ZNF677: variants seen among roughly 807,000 people sequenced by gnomAD.
ZNF677 encodes zinc finger protein 677.
In ZNF677, 5 loss-of-function variants were observed where a neutral mutation model predicts 8.1. The ratio of observed to expected loss-of-function variants is 0.62; its 90% CI spans 0.32 to 1.29. The LOEUF is 1.29. Ranked by LOEUF, ZNF677 falls within the 50% of genes most tolerant of loss-of-function variation. The pLI is 0.05. For missense variants in ZNF677, 685 were observed against 685.9 expected, an observed-to-expected ratio of 1.00 and a Z score of 0.01; for synonymous variants, 221 against 225.6, an observed-to-expected ratio of 0.98 and a Z score of 0.18.
intron 1 of ZNF677, 55 bp downstream of exon 1, chr19:53,254,779 G>C (rs1192637956): frequency 6.5e-6 from 1 of 152,674 alleles, no homozygotes; most frequent in Non-Finnish European, 1.5e-5. Flanking sequence ...ACAGCGGAGC[G>C]TGGGAACCTG....
rs2146930937 is a variant in ZNF677 at position 53,238,317 on chromosome 19, T to C, written c.410A>G (p.Asn137Ser). The change falls in exon 5 of 5, where the codon AAT becomes AGT. Residue 137 changes from asparagine to serine, a missense_variant. Asn to Ser is a conservative substitution (Grantham distance 46, BLOSUM62 1). Transcript: ENST00000598513. Reference sequence around the variant, plus strand: ...TAAAGAGAAATGTATTGAGGATTTATTATGTTGTTGATCTTTTCTGTGAGT... The same window carrying C: ...TAAAGAGAAATGTATTGAGGATTTACTATGTTGTTGATCTTTTCTGTGAGT... ...NLTHRKDQQH[N>S]KSSIHFSLKQ... 1.9e-6 allele frequency: 3 copies of C among 1,613,600 alleles called. No individual in the cohort carries two copies. The highest frequency in any genetic ancestry group is 1.7e-4 in the Middle Eastern group (1 of 6,058).
At chr19:53,254,199 GC>G (rs897261622) in intron 1 of ZNF677, among the ~76,000 whole-genome samples, 105 of 151,684 alleles carry the variant, frequency 6.9e-4, no homozygotes, top group African/African-American at 2.3e-3. Flanking sequence ...GGATTTGGGT[GC>G]CCCCCCCTTT....
chr19:53,250,251 T>C (rs1413760488), intron 3 of ZNF677, among the ~76,000 whole-genome samples: 4 of 152,276 alleles, frequency 2.6e-5, no homozygotes, highest in South Asian at 4.1e-4. Context: ...TTACACACCA[T>C]TGGTGGAAGT....
chr19:53,252,610 A>G (rs1331589055), intron 2 of ZNF677, among the ~76,000 whole-genome samples: 1 of 152,184 alleles, frequency 6.6e-6, no homozygotes, highest in Admixed American at 6.5e-5. Flanking sequence ...ACAAATAGCT[A>G]TTACTCTTGG....
In ZNF677 at chr19:53,237,364, C is replaced by T; in HGVS notation, c.1363G>A (p.Gly455Arg). 8 of 1,613,522 alleles carry T rather than the reference C, an allele frequency of 5.0e-6. No homozygotes were observed. Among genetic ancestry groups the T allele is most frequent in the South Asian group, 1.1e-5 (1 of 91,054 alleles). ...SLVEHQRIHTGEKPYKCNKCD... is the reference protein window; with the variant it reads ...SLVEHQRIHTREKPYKCNKCD... ...TTATTACATTTGTAAGGTTTTTCTC[C>T]AGTGTGAATTCTCTGATGTTCCACA... The change falls in exon 5 of 5, where the codon GGA becomes AGA. Residue 455 changes from glycine (G) to arginine (R), a missense_variant. Coordinates refer to ENST00000598513, the MANE Select transcript of ZNF677 (RefSeq NM_182609.4).
rs1319109886 is a variant in ZNF677, at chr19:53,242,378, C to T, written c.169+1366G>A. ...AGGTACGGGAGTAAAATAAAAGGGTCGGATTTTGTAGGATTCTAAGGAAGA... is the reference window on the plus strand; with the variant it reads ...AGGTACGGGAGTAAAATAAAAGGGTTGGATTTTGTAGGATTCTAAGGAAGA... On this transcript the variant is annotated intron_variant, in intron 4 of 4. Transcript: ENST00000598513. 1.3e-5 allele frequency: 5 copies of T among 398,390 alleles called. No homozygotes were observed. The South Asian group carries it at 5.1e-4, about 41-fold the overall frequency. 24.7% of individuals were successfully genotyped at this position (398,390 alleles called of 1,614,324 possible).
chr19:53,246,790 C>T (rs1043983262), intron 3 of ZNF677, among the ~76,000 whole-genome samples: 15 of 152,124 alleles, frequency 9.9e-5, no homozygotes, highest in African/African-American at 3.6e-4. Flanking sequence ...TCTTAGAGAT[C>T]TCCTGAATAA....
Position 53,242,315 on chromosome 19 carries a change from C to T in ZNF677, c.169+1429G>A, listed in dbSNP as rs7254589. On this transcript the variant is annotated intron_variant, in intron 4 of 4. Transcript: ENST00000598513. The stretch of plus-strand genomic sequence containing the variant: ...GAAGACTAAGGTCTCCCTAAGTTCC[C>T]GGATAGAGTAGAAAGCTAGAAAAGG... The T allele has an allele frequency of 6.1e-3, 2,439 of 398,322 alleles. 58 individuals carry two copies. Among genetic ancestry groups the T allele is most frequent in the African/African-American group, 0.045 (2,207 of 48,602 alleles). The allele number at this position is 398,322 out of a possible 1,614,324, so 24.7% of individuals were successfully genotyped here. A position where few individuals can be genotyped will look rare whatever the true frequency, so the allele number is the denominator to read the frequency against.
chr19:53,253,963 G>A (rs1025048797), intron 1 of ZNF677, among the ~76,000 whole-genome samples: 3 of 152,174 alleles, frequency 2.0e-5, no homozygotes, highest in Non-Finnish European at 4.4e-5. Flanking sequence ...ATCAGAGAAA[G>A]GGAAGAGGGT....
Position 53,237,341 on chromosome 19 carries a change from A to G in ZNF677, c.1386T>C (p.Asn462=). The change falls in exon 5 of 5, where the codon AAT becomes AAC. Residue 462 remains asparagine (N), a synonymous_variant. Coordinates refer to ENST00000598513, the MANE Select transcript of ZNF677 (RefSeq NM_182609.4). ...IHTGEKPYKC[N]KCDKAFIKRS... ...GTTTGATAAAAGCTTTATCACATTT[A>G]TTACATTTGTAAGGTTTTTCTCCAG... The G allele has an allele frequency of 6.2e-7, 1 of 1,613,862 alleles. No homozygotes were observed. The highest frequency in any genetic ancestry group is 1.7e-5 in the Admixed American group (1 of 59,984).
chr19:53,237,389 A>G lies in ZNF677; in HGVS notation c.1338T>C (p.Leu446=). ...CGRAFIQSSS[L]VEHQRIHTGE... ...CAGTGTGAATTCTCTGATGTTCCAC[A>G]AGACTTGAACTTTGGATAAAAGCCC... Residue 446 remains leucine (L), a synonymous_variant, in exon 5 of 5, where the codon CTT becomes CTC. Coordinates refer to ENST00000598513, the MANE Select transcript of ZNF677 (RefSeq NM_182609.4). 1 of 1,614,022 alleles carries G rather than the reference A, an allele frequency of 6.2e-7. No individual in the cohort carries two copies. The highest frequency in any genetic ancestry group is 1.1e-5 in the South Asian group (1 of 91,086).
At position 53,236,885 on chromosome 19, in the gene ZNF677, T is replaced by C. The variant is rs1435875691; in HGVS notation, c.*87A>G. The C allele has an allele frequency of 3.3e-6, 4 of 1,210,862 alleles. No individual in the cohort carries two copies. In the Admixed American group the frequency reaches 1.1e-4, roughly 34 times the overall value. 75.0% of individuals were successfully genotyped at this position (1,210,862 alleles called of 1,614,324 possible). A position where few individuals can be genotyped will look rare whatever the true frequency, so the allele number is the denominator to read the frequency against. On this transcript the variant is annotated 3_prime_UTR_variant, in exon 5 of 5. Coordinates refer to ENST00000598513, the MANE Select transcript of ZNF677 (RefSeq NM_182609.4). ...TGGTTTATCTCAAAGATGTATATTC[T>C]GGTATCAAGTGAGACATAAGCCATA...
chr19:53,245,736 G>A lies in ZNF677; in HGVS notation c.16-1839C>T, dbSNP rs34266782. Among the ~76,000 whole-genome samples, 941 of 152,260 alleles carry A rather than the reference G, an allele frequency of 6.2e-3. 7 individuals carry two copies. Among genetic ancestry groups the A allele is most frequent in the Non-Finnish European group, 7.8e-3 (531 of 68,022 alleles). ...GTTCCTCAAAAATTAAAAATAGGCC[G>A]GGCGCAGTGGCTCACACCTGTAATC... On this transcript the variant is annotated intron_variant, in intron 3 of 4. Transcript: ENST00000598513.
chr19:53,248,504 A>C lies in ZNF677; in HGVS notation c.15+3032T>G, dbSNP rs75713287. Among the ~76,000 whole-genome samples, 24 of 152,330 alleles carry C rather than the reference A, an allele frequency of 1.6e-4. 2 individuals carry two copies. The East Asian group carries it at 4.6e-3, about 29-fold the overall frequency. ...ACATTTCATGCAGGGTAAGTCCACT[A>C]ATGCAAACTCCCTCAGCTCTTGTTT... On this transcript the variant is annotated intron_variant, in intron 3 of 4. Coordinates refer to ENST00000598513, the MANE Select transcript of ZNF677 (RefSeq NM_182609.4).
At position 53,243,864 on chromosome 19, in the gene ZNF677, A is replaced by G. The variant is rs757812066; in HGVS notation, c.49T>C (p.Phe17Leu). ...AGGCACTCCCACTCCTCTTGAGAGA[A>G]TTCTATGGCCACATCCTTGAATGTA... is the stretch of plus-strand genomic sequence containing the variant. The part of the protein sequence containing the change: ...LFTFKDVAIE[F>L]SQEEWECLDP... The change falls in exon 4 of 5, where the codon TTC (phenylalanine) becomes CTC (leucine). Residue 17 changes from phenylalanine (F) to leucine (L), a missense_variant. Transcript: ENST00000598513. The G allele has an allele frequency of 1.9e-6, 3 of 1,610,254 alleles. No homozygotes were observed. In the Admixed American group the frequency reaches 5.1e-5, roughly 27 times the overall value.
intron 3 of ZNF677, among the ~76,000 whole-genome samples, chr19:53,247,315 C>T (rs2146957756): frequency 6.6e-6 from 1 of 151,766 alleles, no homozygotes; most frequent in South Asian, 2.1e-4. Context: ...CTTCCCTGGG[C>T]CACACTGGAA....
At chr19:53,247,232 C>T (rs2965228) in intron 3 of ZNF677, among the ~76,000 whole-genome samples, 97,087 of 151,974 alleles carry the variant, frequency 0.64, 32,124 homozygotes, top group African/African-American at 0.83. Context: ...GTGCAGATTC[C>T]GTTTTTGCTG....
chr19:53,242,381 A>C, intron 4 of ZNF677: 1 of 398,650 alleles, frequency 2.5e-6, no homozygotes, highest in Non-Finnish European at 4.4e-6. Flanking sequence ...AAAGGGTCGG[A>C]TTTTGTAGGA....
chr19:53,243,755 G>A lies in ZNF677; in HGVS notation c.158C>T (p.Pro53Leu). ...NLLSLDEDNI[P>L]PEDDISVGFT... ...ACAAGGGTGGTTACCATCTTCTGGA[G>A]GGATGTTATCCTCATCGAGAGAAAG... is the stretch of plus-strand genomic sequence containing the variant. Residue 53 changes from proline to leucine, a missense_variant, in exon 4 of 5, where the codon CCT (proline) becomes CTT (leucine). Transcript: ENST00000598513. The A allele has an allele frequency of 1.2e-6, 2 of 1,614,148 alleles. No homozygotes were observed. The highest frequency in any genetic ancestry group is 1.7e-6 in the Non-Finnish European group (2 of 1,180,032).
Sources: gnomAD v4.1 joint callset for allele counts (sites outside exome capture counted in the v4.1 genomes callset) on GRCh38, gnomAD v4.1.1 for gene constraint, MANE v1.5 for transcripts, NCBI Gene and HGNC (gene_info 2026-07-23, HGNC 2026-07-21) for gene names.